SLIT1: variants seen among roughly 807,000 people sequenced by gnomAD.
SLIT1 encodes slit homolog 1 protein.
Under a neutral mutation model 186.1 loss-of-function variants are expected in SLIT1, and 66 were observed. That is an observed-to-expected ratio of 0.35 (90% CI 0.29 to 0.44). SLIT1 has a LOEUF of 0.44. Among genes scored for constraint, SLIT1 ranks in the 20% least tolerant of loss-of-function variants. The pLI is 1.00. For synonymous variants in SLIT1, 761 were observed against 833.8 expected (o/e 0.91, Z 1.50); for missense variants, 1,638 against 2,037.4 (o/e 0.80, Z 3.77).
At position 97,001,346 on chromosome 10, in the gene SLIT1, G is replaced by A. The variant is rs372280304; in HGVS notation, c.4371C>T (p.Ser1457=). 64 of 1,611,788 alleles carry A rather than the reference G, an allele frequency of 4.0e-5. No individual in the cohort carries two copies. The highest frequency in any genetic ancestry group is 2.7e-4 in the African/African-American group (20 of 75,040). ...CCCGGACAGGGTCCCCCCGGCACTC[G>A]GACTCTGGATGGGACAGACACCAAG... is the stretch of plus-strand genomic sequence containing the variant. The part of the protein sequence containing the change: ...GFSGELCEQE[S]ECRGDPVRDF... Residue 1457 remains serine (S), a synonymous_variant, in exon 37 of 37, where the codon TCC becomes TCT. Transcript: ENST00000266058.
chr10:97,081,809 A>G (rs1161204213), intron 4 of SLIT1, among the ~76,000 whole-genome samples: 1 of 152,206 alleles, frequency 6.6e-6, no homozygotes. Context: ...AACCACAAGG[A>G]GTCGCTGTCT....
chr10:97,043,583 C>T lies in SLIT1; in HGVS notation c.1854-70G>A, dbSNP rs1848709802. 2.1e-6 allele frequency: 3 copies of T among 1,435,836 alleles called. No homozygotes were observed. The highest frequency in any genetic ancestry group is 2.9e-6 in the Non-Finnish European group (3 of 1,034,936). The allele number at this position is 1,435,836 out of a possible 1,614,324, so 88.9% of individuals were successfully genotyped here. ...CCAGCCATCCACCTGGGCCACGCAG[C>T]TTCCGCCATCGTGGCTCGTTCACAG... On this transcript the variant is annotated intron_variant, in intron 18 of 36. Coordinates refer to ENST00000266058, the MANE Select transcript of SLIT1 (RefSeq NM_003061.3). The surrounding 1 kb of genome is among the most constrained non-coding windows in gnomAD (Gnocchi z 7.0).
intron 4 of SLIT1, among the ~76,000 whole-genome samples, chr10:97,121,069 C>T (rs1849556422): frequency 6.6e-6 from 1 of 152,224 alleles, no homozygotes; most frequent in African/African-American, 2.4e-5. Context: ...TCCAGGCTGA[C>T]AGTTGGCACT....
At chr10:97,091,737 G>A (rs1849234113) in intron 4 of SLIT1, among the ~76,000 whole-genome samples, 1 of 152,234 alleles carries the variant, frequency 6.6e-6, no homozygotes, top group Non-Finnish European at 1.5e-5. Context: ...GCTGAGAGAA[G>A]TCAGGTTGCT....
At position 97,021,439 on chromosome 10, in the gene SLIT1, G is replaced by T; in HGVS notation, c.2583-26C>A. ...CTGAGCAGAAAGCAGAGAGAAGCAG[G>T]CATTACAGCTTCATGGGGTCCCTCG... On this transcript the variant is annotated intron_variant, in intron 25 of 36. Coordinates refer to ENST00000266058, the MANE Select transcript of SLIT1 (RefSeq NM_003061.3). The surrounding 1 kb of genome is among the most constrained non-coding windows in gnomAD (Gnocchi z 4.5). 1 of 1,601,360 alleles carries T rather than the reference G, an allele frequency of 6.2e-7. No homozygotes were observed. The highest frequency in any genetic ancestry group is 8.5e-7 in the Non-Finnish European group (1 of 1,171,538).
intron 4 of SLIT1, among the ~76,000 whole-genome samples, chr10:97,146,536 T>C (rs1253270113): frequency 6.6e-6 from 1 of 151,634 alleles, no homozygotes; most frequent in East Asian, 1.9e-4. Context: ...GCTCTGTGAC[T>C]ACCCACACAG....
intron 11 of SLIT1, chr10:97,058,239 G>A (rs1260800573): frequency 8.1e-6 from 5 of 615,370 alleles, no homozygotes; most frequent in Middle Eastern, 4.3e-4. Context: ...AGCAGAGGGG[G>A]CAGGAACTGA....
In SLIT1 at chr10:97,031,626, T is replaced by G. The variant is rs1589368152; in HGVS notation, c.2490A>C (p.Gly830=). ...LQCIPPLAFQ[G]LRSLRLLSLH... ...CTTACAGCAGGCGCAGGGAGCGGAG[T>G]CCCTGGAAGGCCAAAGGCGGGATGC... Residue 830 remains glycine, a synonymous_variant, in exon 24 of 37, where the codon GGA becomes GGC. Coordinates refer to ENST00000266058, the MANE Select transcript of SLIT1 (RefSeq NM_003061.3). The G allele has an allele frequency of 6.4e-7, 1 of 1,551,400 alleles. No individual in the cohort carries two copies. The highest frequency in any genetic ancestry group is 8.7e-7 in the Non-Finnish European group (1 of 1,146,882).
chr10:97,081,888 G>C (rs1369099338), intron 4 of SLIT1, among the ~76,000 whole-genome samples: 1 of 152,180 alleles, frequency 6.6e-6, no homozygotes, highest in East Asian at 1.9e-4. Flanking sequence ...GACTCACCTT[G>C]GATCCCAGCC....
intron 4 of SLIT1, among the ~76,000 whole-genome samples, chr10:97,119,519 G>T (rs1183594281): frequency 6.6e-6 from 1 of 152,168 alleles, no homozygotes; most frequent in Non-Finnish European, 1.5e-5. Flanking sequence ...TCCGAGCGCA[G>T]TCAGGGAGAA....
chr10:97,185,268 C>G (rs1053082129), intron 1 of SLIT1, among the ~76,000 whole-genome samples: 9 of 152,250 alleles, frequency 5.9e-5, no homozygotes, highest in African/African-American at 2.2e-4. Flanking sequence ...CTGACAACCC[C>G]GCCGAGGGCC....
At chr10:97,092,879 C>G (rs1849248008) in intron 4 of SLIT1, among the ~76,000 whole-genome samples, 1 of 152,204 alleles carries the variant, frequency 6.6e-6, no homozygotes. Context: ...ATCTGCATGC[C>G]TCCCCTATTT....
chr10:97,017,566 T>A (rs1848464411), intron 28 of SLIT1, among the ~76,000 whole-genome samples: 1 of 152,218 alleles, frequency 6.6e-6, no homozygotes, highest in Non-Finnish European at 1.5e-5. Context: ...GCCCCTTCAC[T>A]GAATAGCAGA....
rs1163961077 is a variant in SLIT1, at chr10:96,998,073, A to C, written c.*3039T>G. The C allele has an allele frequency of 6.6e-6, 1 of 152,252 alleles. No individual in the cohort carries two copies. The highest frequency in any genetic ancestry group is 1.5e-5 in the Non-Finnish European group (1 of 68,066). 9.4% of individuals were successfully genotyped at this position (152,252 alleles called of 1,614,324 possible). ...TCAATGTCATGTTCACATGGAAGAC[A>C]ACAGACAATATCGACATAGTCTAAA... On this transcript the variant is annotated 3_prime_UTR_variant, in exon 37 of 37. Coordinates refer to ENST00000266058, the MANE Select transcript of SLIT1 (RefSeq NM_003061.3).
intron 13 of SLIT1, among the ~76,000 whole-genome samples, chr10:97,054,204 T>C (rs1848817256): frequency 6.6e-6 from 1 of 151,728 alleles, no homozygotes; most frequent in African/African-American, 2.4e-5. Context: ...TGATAATGAG[T>C]GAGTTCTTAC....
At chr10:97,181,821 C>T (rs1850342694) in intron 1 of SLIT1, among the ~76,000 whole-genome samples, 1 of 152,218 alleles carries the variant, frequency 6.6e-6, no homozygotes. Context: ...CAAGGGGAAC[C>T]TTCCACAAAC....
intron 4 of SLIT1, among the ~76,000 whole-genome samples, chr10:97,121,902 T>A (rs117352460): frequency 6.6e-6 from 1 of 152,226 alleles, no homozygotes; most frequent in Non-Finnish European, 1.5e-5. Flanking sequence ...TACCTGATCA[T>A]TGCTATAATA....
At chr10:97,149,044 A>AC (rs958475228) in intron 4 of SLIT1, among the ~76,000 whole-genome samples, 46 of 151,946 alleles carry the variant, frequency 3.0e-4, no homozygotes, top group East Asian at 1.6e-3. Context: ...ACCGCTCGCC[A>AC]CCCCCCCGTG....
intron 4 of SLIT1, among the ~76,000 whole-genome samples, chr10:97,145,128 ATTG>A (rs1302623415): frequency 1.3e-5 from 2 of 151,930 alleles, no homozygotes; most frequent in East Asian, 1.9e-4. Flanking sequence ...GTACAGTATT[ATTG>A]TTATTATTAC....
Sources: gnomAD v4.1 joint callset for allele counts (sites outside exome capture counted in the v4.1 genomes callset) on GRCh38, gnomAD v4.1.1 for gene constraint, Gnocchi (gnomAD v3.1) non-coding constraint, MANE v1.5 for transcripts, NCBI Gene and HGNC (gene_info 2026-07-23, HGNC 2026-07-21) for gene names.